The following BMP6 variants were observed in gnomAD, a reference collection of about 807,000 sequenced individuals.
BMP6 encodes the protein bone morphogenetic protein 6.
In BMP6, 17 loss-of-function variants were observed where a neutral mutation model predicts 54.1. That is an observed-to-expected ratio of 0.31 (90% confidence interval 0.22 to 0.47). BMP6 has a LOEUF of 0.47. Ranked by LOEUF, BMP6 falls within the 20% of genes least tolerant of loss-of-function variation. The pLI is 1.00. For synonymous variants in BMP6, 328 were observed against 291.2 expected (o/e 1.13, Z -1.28); for missense variants, 720 against 690.4 (o/e 1.04, Z -0.48).
intron 1 of BMP6, among the ~76,000 whole-genome samples, chr6:7,811,870 G>A (rs1464309045): frequency 6.6e-6 from 1 of 152,168 alleles, no homozygotes. Context: ...GTGATAAAAA[G>A]CCTCTGGTGA....
intron 1 of BMP6, among the ~76,000 whole-genome samples, chr6:7,829,877 G>GT (rs1036896794): frequency 2.0e-5 from 3 of 152,136 alleles, no homozygotes; most frequent in African/African-American, 7.2e-5. Flanking sequence ...CAATAAATGG[G>GT]TTATTGATAC....
chr6:7,776,631 A>C (rs888570880), intron 1 of BMP6, among the ~76,000 whole-genome samples: 1 of 150,908 alleles, frequency 6.6e-6, no homozygotes, highest in African/African-American at 2.4e-5. Flanking sequence ...TGTCAAATTA[A>C]GAGAGTATTA....
intron 5 of BMP6, 32 bp downstream of exon 5, chr6:7,879,182 C>T (rs370689056): frequency 1.3e-6 from 2 of 1,583,158 alleles, no homozygotes; most frequent in Non-Finnish European, 1.7e-6. Context: ...GATAAAGGTC[C>T]TTTCTCAGCA....
intron 1 of BMP6, among the ~76,000 whole-genome samples, chr6:7,804,280 G>C (rs1758313907): frequency 7.5e-6 from 1 of 133,622 alleles, no homozygotes; most frequent in Admixed American, 8.1e-5. Context: ...AGAGGTTAAA[G>C]TAACTTTTTT....
chr6:7,800,461 C>G (rs532435691), intron 1 of BMP6, among the ~76,000 whole-genome samples: 4 of 152,248 alleles, frequency 2.6e-5, no homozygotes, highest in African/African-American at 9.6e-5. Flanking sequence ...GCCTGAGTGT[C>G]TCACAAAATC....
At chr6:7,735,206 G>A (rs1302241702) in intron 1 of BMP6, among the ~76,000 whole-genome samples, 4 of 152,162 alleles carry the variant, frequency 2.6e-5, no homozygotes, top group African/African-American at 7.2e-5. Flanking sequence ...CCCTTTCACC[G>A]TCCAGAACGT....
At chr6:7,805,986 C>A (rs773985939) in intron 1 of BMP6, among the ~76,000 whole-genome samples, 1 of 152,154 alleles carries the variant, frequency 6.6e-6, no homozygotes, top group Non-Finnish European at 1.5e-5. Context: ...TGTGAAGTGT[C>A]CACTTGGAAA....
intron 1 of BMP6, among the ~76,000 whole-genome samples, chr6:7,800,195 C>T (rs1419709527): frequency 2.6e-5 from 4 of 151,714 alleles, no homozygotes; most frequent in African/African-American, 9.7e-5. Flanking sequence ...GTCAGATTTA[C>T]TGCAATCCTT....
At chr6:7,815,498 T>C (rs1349567316) in intron 1 of BMP6, among the ~76,000 whole-genome samples, 1 of 152,208 alleles carries the variant, frequency 6.6e-6, no homozygotes, top group Non-Finnish European at 1.5e-5. Flanking sequence ...ACATAATAAA[T>C]GTTTAATAAA....
intron 4 of BMP6, among the ~76,000 whole-genome samples, chr6:7,877,538 G>A (rs1759640836): frequency 1.3e-5 from 2 of 152,004 alleles, no homozygotes; most frequent in Non-Finnish European, 2.9e-5. Context: ...CAGGAGAATC[G>A]CTTGAACCCA....
chr6:7,845,267 G>A lies in BMP6; in HGVS notation c.792G>A (p.Met264Ile). 6.2e-7 allele frequency: 1 copy of A among 1,614,174 alleles called. No individual in the cohort carries two copies. The highest frequency in any genetic ancestry group is 8.5e-7 in the Non-Finnish European group (1 of 1,180,000). ...AEFRIYKDCV[M>I]GSFKNQTFLI... The stretch of plus-strand genomic sequence containing the variant: ...TCCGCATCTACAAGGACTGTGTTAT[G>A]GGGAGTTTTAAAAACCAAACTTTTC... The change falls in exon 2 of 7, where the codon ATG becomes ATA. Residue 264 changes from methionine to isoleucine, a missense_variant. Met to Ile is a conservative substitution (Grantham distance 10). This residue lies in a region of BMP6 where 650 missense variants were observed against 556.3 expected (regional missense o/e 1.17). Coordinates refer to ENST00000283147, the MANE Select transcript of BMP6 (RefSeq NM_001718.6).
In BMP6 at chr6:7,831,296, C is replaced by T. The variant is rs139403680; in HGVS notation, c.665-13844C>T. On this transcript the variant is annotated intron_variant, in intron 1 of 6. Coordinates refer to ENST00000283147, the MANE Select transcript of BMP6 (RefSeq NM_001718.6). ...AGAATGATGGTTGTTACCAAGGCCG[C>T]GGGGGAGGAGGAAATGGGGAGCTTT... Among the ~76,000 whole-genome samples the T allele has an allele frequency of 3.0e-4, 45 of 152,148 alleles. No individual in the cohort carries two copies. The East Asian group carries it at 4.4e-3, about 15-fold the overall frequency.
chr6:7,848,635 T>C (rs1759101184), intron 2 of BMP6, among the ~76,000 whole-genome samples: 1 of 152,242 alleles, frequency 6.6e-6, no homozygotes, highest in African/African-American at 2.4e-5. Flanking sequence ...GACCTCTTTC[T>C]TTGCTGTAAT....
chr6:7,757,931 T>G (rs1757550804), intron 1 of BMP6, among the ~76,000 whole-genome samples: 1 of 152,210 alleles, frequency 6.6e-6, no homozygotes, highest in Non-Finnish European at 1.5e-5. Context: ...CTGTTCATCA[T>G]CACTCTCTCA....
At chr6:7,746,190 T>C (rs1282450728) in intron 1 of BMP6, among the ~76,000 whole-genome samples, 1 of 152,090 alleles carries the variant, frequency 6.6e-6, no homozygotes. Flanking sequence ...CGAGCGTGAG[T>C]GGCTACTGGT....
intron 4 of BMP6, among the ~76,000 whole-genome samples, chr6:7,876,463 C>A (rs907399079): frequency 3.3e-5 from 5 of 152,168 alleles, no homozygotes; most frequent in African/African-American, 1.2e-4. Flanking sequence ...TTCCGAAATT[C>A]CTATTAGAAA....
intron 1 of BMP6, among the ~76,000 whole-genome samples, chr6:7,803,299 C>T (rs942741201): frequency 1.3e-5 from 2 of 151,968 alleles, no homozygotes; most frequent in African/African-American, 4.8e-5. Context: ...AGAGTTTTAG[C>T]TTCCTTGAAA....
In BMP6 at chr6:7,790,773, A is replaced by G. The variant is rs1320728090; in HGVS notation, c.665-54367A>G. On this transcript the variant is annotated intron_variant, in intron 1 of 6. Coordinates refer to ENST00000283147, the MANE Select transcript of BMP6 (RefSeq NM_001718.6). ...ACACAACTACCAGTTCTCTCACTCC[A>G]TAGGACATCGCCACATGGCCCAATA... is the stretch of plus-strand genomic sequence containing the variant. 2.0e-5 allele frequency among the ~76,000 whole-genome samples: 3 copies of G among 152,212 alleles called. No homozygotes were observed. The East Asian group carries it at 5.8e-4, about 29-fold the overall frequency.
rs534447067 is a variant in BMP6 at position 7,876,881 on chromosome 6, CCTTT to C, written c.1205-2192_1205-2189del. Reference sequence around the variant, plus strand: ...TCCTTCCATTATTTTAGGTATTCTTCCTTTTTTTTCCTCTAGTTTTTGTTTTTAG... The same window carrying C: ...TCCTTCCATTATTTTAGGTATTCTTCTTTTTCCTCTAGTTTTTGTTTTTAG... On this transcript the variant is annotated intron_variant, in intron 4 of 6. Transcript: ENST00000283147. 2.3e-3 allele frequency among the ~76,000 whole-genome samples: 345 copies of C among 151,964 alleles called. 2 individuals carry two copies. Among genetic ancestry groups the C allele is most frequent in the African/African-American group, 7.9e-3 (329 of 41,456 alleles).
Sources: gnomAD v4.1 joint callset for allele counts (sites outside exome capture counted in the v4.1 genomes callset) on GRCh38, gnomAD v4.1.1 for gene constraint, gnomAD v4.1.1 regional missense constraint, MANE v1.5 for transcripts, NCBI Gene and HGNC (gene_info 2026-07-23, HGNC 2026-07-21) for gene names.